CDIN1: variants seen among roughly 807,000 people sequenced by gnomAD.
The protein encoded by CDIN1 is CDAN1 interacting nuclease 1, also known as CDAN1-interacting nuclease 1.
In CDIN1, 33 loss-of-function variants were observed where a neutral mutation model predicts 45.3. The observed-to-expected ratio is 0.73, with a 90% CI of 0.55 to 0.97. The LOEUF (loss-of-function observed/expected upper bound fraction) is 0.97, where lower values mean the gene tolerates loss of function less well. Among genes scored for constraint, CDIN1 ranks in the 50% least tolerant of loss-of-function variants. The pLI is 0.00. For synonymous variants in CDIN1, 118 were observed against 124.4 expected (o/e 0.95, Z 0.34); for missense variants, 303 against 339.4 (o/e 0.89, Z 0.84).
intron 5 of CDIN1, among the ~76,000 whole-genome samples, chr15:36,678,686 T>C (rs576749475): frequency 1.3e-5 from 2 of 152,336 alleles, no homozygotes; most frequent in South Asian, 4.1e-4. Flanking sequence ...AATCAGTCCA[T>C]ACTAGTTCCC....
At chr15:36,651,882 GT>G (rs1400782449) in intron 3 of CDIN1, among the ~76,000 whole-genome samples, 1 of 152,198 alleles carries the variant, frequency 6.6e-6, no homozygotes, top group Non-Finnish European at 1.5e-5. Flanking sequence ...TGTAGTTATG[GT>G]TTAATCATCT....
At chr15:36,664,197 A>G (rs560004436) in intron 5 of CDIN1, among the ~76,000 whole-genome samples, 48 of 152,298 alleles carry the variant, frequency 3.2e-4, no homozygotes, top group African/African-American at 1.1e-3. Context: ...ACTTCAGGCT[A>G]TGAAATTCAG....
intron 8 of CDIN1, 179 bp from the exon 9 acceptor site, chr15:36,709,044 A>T (rs1352309341): frequency 9.2e-6 from 4 of 433,726 alleles, no homozygotes; most frequent in Non-Finnish European, 1.6e-5. Flanking sequence ...TCTGAAGCAT[A>T]TTTACGCTTC....
At chr15:36,665,587 G>A (rs1446429393) in intron 5 of CDIN1, among the ~76,000 whole-genome samples, 2 of 152,146 alleles carry the variant, frequency 1.3e-5, no homozygotes, top group Non-Finnish European at 2.9e-5. Flanking sequence ...AGTAGTTAAG[G>A]AAGGTCCAAA....
At chr15:36,769,374 G>A (rs117719799) in intron 10 of CDIN1, among the ~76,000 whole-genome samples, 6,161 of 152,174 alleles carry the variant, frequency 0.04, 149 homozygotes, top group South Asian at 0.095. Flanking sequence ...CAGGCCAGCC[G>A]CCTAGAAACT....
At chr15:36,637,161 G>A (rs1350569705) in intron 1 of CDIN1, among the ~76,000 whole-genome samples, 1 of 152,160 alleles carries the variant, frequency 6.6e-6, no homozygotes. Flanking sequence ...CCTCCCAGAG[G>A]CACCAACGTG....
intron 10 of CDIN1, among the ~76,000 whole-genome samples, chr15:36,729,823 T>C (rs957426463): frequency 6.6e-6 from 1 of 152,176 alleles, no homozygotes; most frequent in African/African-American, 2.4e-5. Context: ...TTAGTCTGTC[T>C]CTAGGTTTCA....
At chr15:36,618,264 A>T (rs545690378) in intron 1 of CDIN1, 7 of 665,708 alleles carry the variant, frequency 1.1e-5, no homozygotes, top group Non-Finnish European at 1.4e-5. Context: ...AGGACTCTGT[A>T]TCATTGGGGG....
intron 10 of CDIN1, among the ~76,000 whole-genome samples, chr15:36,771,716 T>C (rs2054082591): frequency 1.3e-5 from 2 of 152,180 alleles, no homozygotes; most frequent in South Asian, 4.2e-4. Context: ...AATCACGAGA[T>C]CAGGAGTTCG....
At chr15:36,710,219 G>C (rs955704997) in intron 10 of CDIN1, among the ~76,000 whole-genome samples, 7 of 151,858 alleles carry the variant, frequency 4.6e-5, no homozygotes, top group Non-Finnish European at 1.0e-4. Context: ...CAATAATATT[G>C]GTGTCACTTA....
At chr15:36,657,124 G>T (rs914789387) in intron 4 of CDIN1, among the ~76,000 whole-genome samples, 1 of 151,994 alleles carries the variant, frequency 6.6e-6, no homozygotes. Flanking sequence ...AATATCCTTT[G>T]TTTTCTGACT....
At chr15:36,672,402 C>T (rs2041484374) in intron 5 of CDIN1, among the ~76,000 whole-genome samples, 1 of 152,010 alleles carries the variant, frequency 6.6e-6, no homozygotes, top group Non-Finnish European at 1.5e-5. Context: ...CTATTACAGG[C>T]TCTTGGGAGA....
chr15:36,696,061 C>T (rs986461886), intron 7 of CDIN1, among the ~76,000 whole-genome samples: 2 of 152,076 alleles, frequency 1.3e-5, no homozygotes, highest in Non-Finnish European at 2.9e-5. Flanking sequence ...ATTTGCCACT[C>T]ATTAACTGTA....
chr15:36,718,377 A>G (rs1402713865), intron 10 of CDIN1, among the ~76,000 whole-genome samples: 1 of 152,128 alleles, frequency 6.6e-6, no homozygotes, highest in Non-Finnish European at 1.5e-5. Context: ...GAGTCAGTTT[A>G]TTAATTCCTA....
intron 1 of CDIN1, chr15:36,617,244 T>C (rs1460781293): frequency 4.4e-6 from 4 of 916,960 alleles, no homozygotes; most frequent in Non-Finnish European, 1.8e-6. Context: ...CATCGGGTGC[T>C]CATCCTGAGG....
At chr15:36,644,515 C>T (rs1320861817) in intron 2 of CDIN1, among the ~76,000 whole-genome samples, 192 bp downstream of exon 2, 1 of 151,954 alleles carries the variant, frequency 6.6e-6, no homozygotes, top group African/African-American at 2.4e-5. Context: ...TAACATCTAG[C>T]CTTTGCTTAT....
intron 10 of CDIN1, among the ~76,000 whole-genome samples, chr15:36,771,489 A>G (rs1465253522): frequency 2.6e-5 from 4 of 152,220 alleles, no homozygotes; most frequent in Non-Finnish European, 5.9e-5. Context: ...TTCCCAGCCA[A>G]TTGTGGTGCA....
chr15:36,758,576 T>G (rs955629219), intron 10 of CDIN1, among the ~76,000 whole-genome samples: 5 of 152,164 alleles, frequency 3.3e-5, no homozygotes, highest in African/African-American at 1.2e-4. Context: ...GACAGTCTTT[T>G]TCTTCACCAC....
At chr15:36,637,193 A>G (rs2039933360) in intron 1 of CDIN1, among the ~76,000 whole-genome samples, 1 of 152,206 alleles carries the variant, frequency 6.6e-6, no homozygotes, top group Non-Finnish European at 1.5e-5. Context: ...TTATAATTGT[A>G]TGGAAATAAT....
Sources: gnomAD v4.1 joint callset for allele counts (sites outside exome capture counted in the v4.1 genomes callset) on GRCh38, gnomAD v4.1.1 for gene constraint, MANE v1.5 for transcripts, NCBI Gene and HGNC (gene_info 2026-07-23, HGNC 2026-07-21) for gene names.